RABEP1: variants seen among roughly 807,000 people sequenced by gnomAD.
The protein encoded by RABEP1 is rab GTPase-binding effector protein 1.
A neutral mutation model predicts 123.4 loss-of-function variants in RABEP1; 51 were observed. That is an observed-to-expected ratio of 0.41 (90% CI 0.33 to 0.52). RABEP1 has a LOEUF of 0.52. RABEP1 is among the 20% of genes least tolerant of loss of function. The probability of loss-of-function intolerance (pLI) is 0.16; values close to 1 mark genes in which losing one functional copy is unlikely to be tolerated. For missense variants in RABEP1, 888 were observed against 996.3 expected (o/e 0.89, Z 1.46); for synonymous variants, 347 against 355.2 (o/e 0.98, Z 0.26).
chr17:5,284,478 T>TG (rs1567859932), intron 1 of RABEP1, among the ~76,000 whole-genome samples: 10 of 151,898 alleles, frequency 6.6e-5, no homozygotes. Context: ...TTTTTTTTTT[T>TG]TCTTTGAGAC....
chr17:5,346,992 TAAC>T, intron 6 of RABEP1, 67 bp downstream of exon 6: 2 of 1,241,190 alleles, frequency 1.6e-6, no homozygotes, highest in East Asian at 2.7e-5. Flanking sequence ...TGTTGACTAA[TAAC>T]AGTGACAAAT....
In RABEP1 at chr17:5,373,555, G is replaced by A; in HGVS notation, c.2025+101G>A. The A allele has an allele frequency of 2.3e-6, 3 of 1,285,056 alleles. No homozygotes were observed. In the South Asian group the frequency reaches 4.7e-5, roughly 20 times the overall value. 79.6% of individuals were successfully genotyped at this position (1,285,056 alleles called of 1,614,324 possible). ...AGTTTTATTCAGATATAATTCACGTGCCAATTCAACCATTTAAAATGTACC... is the reference window on the plus strand; with the variant it reads ...AGTTTTATTCAGATATAATTCACGTACCAATTCAACCATTTAAAATGTACC... On this transcript the variant is annotated intron_variant, in intron 13 of 17. Coordinates refer to ENST00000537505, the MANE Select transcript of RABEP1 (RefSeq NM_004703.6).
intron 8 of RABEP1, among the ~76,000 whole-genome samples, chr17:5,359,891 T>G (rs1909351982): frequency 6.6e-6 from 1 of 152,238 alleles, no homozygotes; most frequent in Non-Finnish European, 1.5e-5. Context: ...CCACTAACTA[T>G]GCAACTGCTT....
At chr17:5,283,662 G>T (rs1158153562) in intron 1 of RABEP1, among the ~76,000 whole-genome samples, 1 of 152,122 alleles carries the variant, frequency 6.6e-6, no homozygotes, top group Non-Finnish European at 1.5e-5. Context: ...GGCTTTCCTT[G>T]GGGTTGTCTC....
At chr17:5,378,579 C>G (rs979196921) in intron 15 of RABEP1, 4 of 323,300 alleles carry the variant, frequency 1.2e-5, no homozygotes, top group Non-Finnish European at 2.3e-5. Flanking sequence ...ATGACATTTT[C>G]TAGCTGGCTT....
intron 12 of RABEP1, among the ~76,000 whole-genome samples, chr17:5,370,533 A>T (rs1257849677): frequency 1.3e-5 from 2 of 151,264 alleles, no homozygotes; most frequent in African/African-American, 4.9e-5. Context: ...ACAGTCTCCC[A>T]CTCTCTTTTT....
rs960129914 is a variant in RABEP1 at position 5,384,468 on chromosome 17, C to T, written c.*1245C>T. ...GATGGTTTTCAAATCATTTTTGAGA[C>T]TGGTTGCATAACAGCAGGGTACCTG... On this transcript the variant is annotated 3_prime_UTR_variant, in exon 18 of 18. Coordinates refer to ENST00000537505, the MANE Select transcript of RABEP1 (RefSeq NM_004703.6). The T allele has an allele frequency of 4.6e-6, 1 of 215,962 alleles. No individual in the cohort carries two copies. Among genetic ancestry groups the T allele is most frequent in the African/African-American group, 2.3e-5 (1 of 44,444 alleles). 13.4% of individuals were successfully genotyped at this position (215,962 alleles called of 1,614,324 possible). A position where few individuals can be genotyped will look rare whatever the true frequency, so the allele number is the denominator to read the frequency against.
chr17:5,307,084 C>G (rs529896548), intron 1 of RABEP1, among the ~76,000 whole-genome samples: 2 of 152,068 alleles, frequency 1.3e-5, no homozygotes, highest in African/African-American at 2.4e-5. Context: ...TTTGGGAGGC[C>G]GAGGTGGGTG....
intron 8 of RABEP1, chr17:5,356,566 A>G (rs1239815851): frequency 1.2e-5 from 2 of 173,130 alleles, no homozygotes; most frequent in Admixed American, 6.4e-5. Flanking sequence ...GTAACAACTA[A>G]TATTTTGGTA....
intron 8 of RABEP1, among the ~76,000 whole-genome samples, chr17:5,359,599 T>C (rs1353541147): frequency 6.6e-6 from 1 of 152,170 alleles, no homozygotes; most frequent in Non-Finnish European, 1.5e-5. Context: ...CAGTTTCAGA[T>C]GAGTAACAAT....
At chr17:5,337,605 A>C (rs979826977) in intron 4 of RABEP1, among the ~76,000 whole-genome samples, 3 of 152,168 alleles carry the variant, frequency 2.0e-5, no homozygotes, top group Non-Finnish European at 2.9e-5. Context: ...AGGCAGGAGA[A>C]TGGTGTGAAC....
At chr17:5,295,667 ACTGT>A (rs1474092967) in intron 1 of RABEP1, among the ~76,000 whole-genome samples, 1 of 152,280 alleles carries the variant, frequency 6.6e-6, no homozygotes, top group African/African-American at 2.4e-5. Context: ...ATTAGGAATA[ACTGT>A]CTGAGACCAA....
chr17:5,296,830 T>A (rs2075088025), intron 1 of RABEP1, among the ~76,000 whole-genome samples: 1 of 152,210 alleles, frequency 6.6e-6, no homozygotes, highest in Admixed American at 6.5e-5. Flanking sequence ...CACGGTAGCC[T>A]TGACCCCGTG....
intron 5 of RABEP1, among the ~76,000 whole-genome samples, chr17:5,340,870 C>T (rs1207070033): frequency 9.9e-5 from 15 of 151,034 alleles, no homozygotes; most frequent in Admixed American, 2.6e-4. Context: ...ATTGCTTGAA[C>T]CCAGGAGGCA....
chr17:5,293,414 T>C (rs1011129471), intron 1 of RABEP1, among the ~76,000 whole-genome samples: 3 of 152,162 alleles, frequency 2.0e-5, no homozygotes, highest in Non-Finnish European at 4.4e-5. Flanking sequence ...TCCATGTTTT[T>C]TCTTATTTTG....
At chr17:5,328,563 T>C (rs1906192197) in intron 2 of RABEP1, among the ~76,000 whole-genome samples, 1 of 149,284 alleles carries the variant, frequency 6.7e-6, no homozygotes, top group Non-Finnish European at 1.5e-5. Flanking sequence ...AGAGGATCAC[T>C]TCAGCCTGGG....
chr17:5,287,121 G>T (rs1387321101), intron 1 of RABEP1, among the ~76,000 whole-genome samples: 2 of 152,198 alleles, frequency 1.3e-5, no homozygotes, highest in South Asian at 4.1e-4. Flanking sequence ...AGGATATGAG[G>T]TCAGAGAGGT....
rs1051295736 is a variant in RABEP1, at chr17:5,385,469, T to C, written c.*2246T>C. 9 of 230,616 alleles carry C rather than the reference T, an allele frequency of 3.9e-5. No homozygotes were observed. The highest frequency in any genetic ancestry group is 1.5e-4 in the African/African-American group (7 of 45,168). 14.3% of individuals were successfully genotyped at this position (230,616 alleles called of 1,614,324 possible). Reference sequence around the variant, plus strand: ...TCACTCAGCCATTTCTAAGCAGATATAGTAGTACCTTTCAGAACTCACATT... The same window carrying C: ...TCACTCAGCCATTTCTAAGCAGATACAGTAGTACCTTTCAGAACTCACATT... On this transcript the variant is annotated 3_prime_UTR_variant, in exon 18 of 18. Transcript: ENST00000537505.
Position 5,308,862 on chromosome 17 carries a change from T to C in RABEP1, c.163+40T>C, listed in dbSNP as rs763077820. 1.1e-5 allele frequency: 16 copies of C among 1,520,044 alleles called. No individual in the cohort carries two copies. In the South Asian group the frequency reaches 2.0e-4, roughly 19 times the overall value. The allele number at this position is 1,520,044 out of a possible 1,614,324, so 94.2% of individuals were successfully genotyped here. A position where few individuals can be genotyped will look rare whatever the true frequency, so the allele number is the denominator to read the frequency against. ...CTCGCACCAACTTCAATGCGAAAAC[T>C]GCCTTAAAGTGTTGAGTTTCTTGGT... On this transcript the variant is annotated intron_variant, in intron 2 of 17. Transcript: ENST00000537505.
Sources: allele counts gnomAD v4.1 joint callset (sites outside exome capture counted in the v4.1 genomes callset), GRCh38; gene constraint gnomAD v4.1.1; transcripts MANE v1.5; gene names NCBI Gene and HGNC (gene_info 2026-07-23, HGNC 2026-07-21).